The following SLC5A4 variants were observed in gnomAD, a reference collection of about 807,000 sequenced individuals.
SLC5A4 encodes the protein probable glucose sensor protein SLC5A4.
In SLC5A4, 55 loss-of-function variants were observed where a neutral mutation model predicts 70.3. The observed-to-expected ratio is 0.78, with a 90% CI of 0.63 to 0.98. The LOEUF is 0.98. Among genes scored for constraint, SLC5A4 ranks in the 50% least tolerant of loss-of-function variants. The pLI is 0.00. For synonymous variants in SLC5A4, 268 were observed against 305.7 expected (o/e 0.88, Z 1.29); for missense variants, 735 against 839.2 (o/e 0.88, Z 1.53).
At chr22:32,353,657 C>G in the SLC5A4 span, among the ~76,000 whole-genome samples, 1 of 151,930 alleles carries the variant, frequency 6.6e-6, no homozygotes, top group Non-Finnish European at 1.5e-5. Context: ...CACCTCACCC[C>G]CAACCACCGG....
chr22:32,287,431 T>C, the SLC5A4 span, among the ~76,000 whole-genome samples: 1 of 151,552 alleles, frequency 6.6e-6, no homozygotes, highest in African/African-American at 2.4e-5. Flanking sequence ...TTCAGAATTG[T>C]TACCCCTACC....
chr22:32,232,524 C>A (rs1021047096), intron 9 of SLC5A4, among the ~76,000 whole-genome samples: 7 of 152,118 alleles, frequency 4.6e-5, no homozygotes, highest in Admixed American at 1.3e-4. Flanking sequence ...GGGACCAAGA[C>A]CTTCTCAGTC....
At chr22:32,224,789 A>G (rs914041041) in intron 12 of SLC5A4, among the ~76,000 whole-genome samples, 1 of 152,212 alleles carries the variant, frequency 6.6e-6, no homozygotes, top group Non-Finnish European at 1.5e-5. Flanking sequence ...AGATCAAAAC[A>G]CTTGTGATTT....
At position 32,251,794 on chromosome 22, in the gene SLC5A4, G is replaced by A. The variant is rs374477809; in HGVS notation, c.288C>T (p.Val96=). 13 of 1,612,450 alleles carry A rather than the reference G, an allele frequency of 8.1e-6. No individual in the cohort carries two copies. The African/African-American group carries it at 1.2e-4, about 15-fold the overall frequency. The change falls in exon 3 of 15, where the codon GTC becomes GTT. Residue 96 remains valine, a synonymous_variant. Transcript: ENST00000266086. ...GLAGTGAASG[V]ATVTFEWTSS... The stretch of plus-strand genomic sequence containing the variant: ...CAGTCCATTCAAATGTTACGGTGGC[G>A]ACTCCTGAAGCTGCTCCTGTCCCAG...
At chr22:32,353,236 C>T in the SLC5A4 span, among the ~76,000 whole-genome samples, 4 of 152,174 alleles carry the variant, frequency 2.6e-5, no homozygotes, top group Non-Finnish European at 4.4e-5. Context: ...CCCACCCTGG[C>T]TGCGTTCCTC....
chr22:32,261,318 G>A, the SLC5A4 span, among the ~76,000 whole-genome samples: 24 of 152,182 alleles, frequency 1.6e-4, no homozygotes, highest in African/African-American at 5.3e-4. Flanking sequence ...CCCTTTGAAA[G>A]TCTATCCTCC....
chr22:32,225,789 CA>C lies in SLC5A4; in HGVS notation c.1314del (p.Ile438MetfsTer15), dbSNP rs1925361993. 1 of 1,611,450 alleles carries C rather than the reference CA, an allele frequency of 6.2e-7. No individual in the cohort carries two copies. Among genetic ancestry groups the C allele is most frequent in the South Asian group, 1.1e-5 (1 of 90,724 alleles). ...IFVLLLTVVS[I>X]VWVPLVQVSQ... ...GAAACTTGTACCAGTGGGACCCACACAATGCTCACAACAGTTAATAGAAGAA... is the reference window on the plus strand; with the variant it reads ...GAAACTTGTACCAGTGGGACCCACACATGCTCACAACAGTTAATAGAAGAA... On this transcript the variant is annotated frameshift_variant, in exon 12 of 15. Coordinates refer to ENST00000266086, the MANE Select transcript of SLC5A4 (RefSeq NM_014227.3). LOFTEE classifies it high-confidence loss of function.
the SLC5A4 span, among the ~76,000 whole-genome samples, chr22:32,317,491 C>G: frequency 6.6e-6 from 1 of 152,176 alleles, no homozygotes; most frequent in Admixed American, 6.5e-5. Context: ...GAGACAGGCT[C>G]TTGCTCTGTC....
At chr22:32,330,950 TGGTGTGTGTGTGTTGGGG>T in the SLC5A4 span, among the ~76,000 whole-genome samples, 1 of 85,454 alleles carries the variant, frequency 1.2e-5, no homozygotes, top group African/African-American at 4.4e-5. Flanking sequence ...TTGGAGGCTC[TGGTGTGTGTGTGTTGGGG>T]GCACTGGTGT....
the SLC5A4 span, among the ~76,000 whole-genome samples, chr22:32,302,643 G>A: frequency 1.3e-5 from 2 of 152,098 alleles, no homozygotes; most frequent in Non-Finnish European, 2.9e-5. Context: ...ATATGTGTGG[G>A]TCTATTTAAG....
intron 10 of SLC5A4, among the ~76,000 whole-genome samples, chr22:32,230,091 A>C (rs1388132537): frequency 2.0e-5 from 3 of 152,172 alleles, no homozygotes; most frequent in Non-Finnish European, 4.4e-5. Flanking sequence ...TCTGCCCATT[A>C]GTAACGGCCC....
chr22:32,243,759 G>A (rs914361967), intron 5 of SLC5A4, among the ~76,000 whole-genome samples: 2 of 152,162 alleles, frequency 1.3e-5, no homozygotes, highest in Admixed American at 1.3e-4. Flanking sequence ...GGCCAAGCAG[G>A]GTGGATCATT....
At chr22:32,255,448 C>T (rs1045846781), upstream of SLC5A4, 24 of 1,068,202 alleles carry the variant, frequency 2.2e-5, no homozygotes, top group Non-Finnish European at 3.3e-5. Context: ...GATATGGAGA[C>T]CTTTAAACCT....
the SLC5A4 span, among the ~76,000 whole-genome samples, chr22:32,322,983 C>G: frequency 6.6e-6 from 1 of 152,172 alleles, no homozygotes. Flanking sequence ...GTGTTCACCT[C>G]TTAGCTCTTC....
In SLC5A4 at chr22:32,247,515, C is replaced by A. The variant is rs1004550856; in HGVS notation, c.373G>T (p.Val125Leu). 3 of 1,605,618 alleles carry A rather than the reference C, an allele frequency of 1.9e-6. No homozygotes were observed. Among genetic ancestry groups the A allele is most frequent in the Admixed American group, 1.7e-5 (1 of 59,994 alleles). The change falls in exon 5 of 15, where the codon GTG (valine) becomes TTG (leucine). Residue 125 changes from valine (V) to leucine (L), a missense_variant and splice_region_variant. By Grantham distance (32) the Val-to-Leu change is conservative. Coordinates refer to ENST00000266086, the MANE Select transcript of SLC5A4 (RefSeq NM_014227.3). ...IFVPIYIKSG[V>L]MTMPEYLKKR... ...TTGAGATATTCCGGCATGGTCATCA[C>A]CTGCAGAGACAGACATTGACAGGGA...
rs151259069 is a variant in SLC5A4 at position 32,245,163 on chromosome 22, G to A, written c.477+2248C>T. Among the ~76,000 whole-genome samples the A allele has an allele frequency of 7.9e-5, 12 of 152,224 alleles. No individual in the cohort carries two copies. In the East Asian group the frequency reaches 1.4e-3, roughly 17 times the overall value. On this transcript the variant is annotated intron_variant, in intron 5 of 14. Transcript: ENST00000266086. ...GTTATGAAAACTGTCCTGTCCTAAC[G>A]TCTCATAACGATCTGTTTAATAAGT...
At chr22:32,354,665 C>G in the SLC5A4 span, among the ~76,000 whole-genome samples, 2 of 150,868 alleles carry the variant, frequency 1.3e-5, no homozygotes, top group Non-Finnish European at 3.0e-5. Flanking sequence ...CCACGGGCAG[C>G]GCACACCCGA....
the SLC5A4 span, among the ~76,000 whole-genome samples, chr22:32,350,250 T>C: frequency 6.6e-6 from 1 of 152,200 alleles, no homozygotes; most frequent in South Asian, 2.1e-4. Flanking sequence ...AAAAACTTAA[T>C]ACTGCCCCCA....
chr22:32,315,792 CT>C, the SLC5A4 span, among the ~76,000 whole-genome samples: 8 of 93,650 alleles, frequency 8.5e-5, no homozygotes, highest in Non-Finnish European at 1.4e-4. Flanking sequence ...TACACACTTG[CT>C]TAAAAAAAAA....
Sources: allele counts gnomAD v4.1 joint callset (sites outside exome capture counted in the v4.1 genomes callset), GRCh38; gene constraint gnomAD v4.1.1; transcripts MANE v1.5; gene names NCBI Gene and HGNC (gene_info 2026-07-23, HGNC 2026-07-21).